Variants in SGCZ observed in about 807,000 individuals in gnomAD.
SGCZ encodes the protein zeta-sarcoglycan.
SGCZ carries 40 observed loss-of-function variants against 41.3 expected under a neutral mutation model. The observed-to-expected ratio is 0.97, with a 90% CI of 0.75 to 1.26. The LOEUF is 1.26. Among genes scored for constraint, SGCZ ranks in the 50% most tolerant of loss-of-function variants. The pLI, the probability that SGCZ is intolerant of heterozygous loss-of-function variation, is 0.00. For missense variants in SGCZ, 552 were observed against 369.8 expected (o/e 1.49, Z -4.04); for synonymous variants, 206 against 137.5 (o/e 1.50, Z -3.49).
intron 1 of SGCZ, among the ~76,000 whole-genome samples, chr8:14,916,728 G>C (rs1338920812): frequency 1.3e-5 from 2 of 151,940 alleles, no homozygotes; most frequent in African/African-American, 2.4e-5. Flanking sequence ...TCCTCTTTTT[G>C]TACAGAAAAC....
intron 1 of SGCZ, among the ~76,000 whole-genome samples, chr8:15,085,463 C>T (rs1164175039): frequency 6.6e-6 from 1 of 151,968 alleles, no homozygotes; most frequent in Non-Finnish European, 1.5e-5. Context: ...TTCCAGGTTC[C>T]AAAAATAAGG....
At chr8:14,569,131 C>T (rs1804472761) in intron 1 of SGCZ, among the ~76,000 whole-genome samples, 1 of 152,128 alleles carries the variant, frequency 6.6e-6, no homozygotes, top group Admixed American at 6.5e-5. Flanking sequence ...ATCAATACTA[C>T]TGTAAATTAG....
intron 1 of SGCZ, among the ~76,000 whole-genome samples, chr8:15,181,668 C>A (rs1032307700): frequency 1.3e-5 from 2 of 152,168 alleles, no homozygotes; most frequent in African/African-American, 4.8e-5. Flanking sequence ...AAAAAAGTCA[C>A]CTAAAAAGCA....
chr8:14,308,542 C>T lies in SGCZ; in HGVS notation c.336+15561G>A, dbSNP rs933899180. On this transcript the variant is annotated intron_variant, in intron 3 of 7. Coordinates refer to ENST00000382080, the MANE Select transcript of SGCZ (RefSeq NM_139167.4). ...ACTCGTGCCATTAGAGAAGAAAGAC[C>T]CCCTTGCCCCTGGCCTTTATACTGC... 2.0e-5 allele frequency among the ~76,000 whole-genome samples: 3 copies of T among 151,784 alleles called. No individual in the cohort carries two copies. In the East Asian group the frequency reaches 5.8e-4, roughly 30 times the overall value.
chr8:15,080,884 G>T (rs987566484), intron 1 of SGCZ, among the ~76,000 whole-genome samples: 3 of 152,006 alleles, frequency 2.0e-5, no homozygotes, highest in African/African-American at 4.8e-5. Flanking sequence ...GAGCCACCGC[G>T]CCTGGCTCTG....
chr8:14,386,043 T>C (rs940693778), intron 2 of SGCZ, among the ~76,000 whole-genome samples: 3 of 152,200 alleles, frequency 2.0e-5, no homozygotes, highest in Non-Finnish European at 4.4e-5. Flanking sequence ...TTATTGTTTA[T>C]TGTGGGGTTT....
intron 2 of SGCZ, among the ~76,000 whole-genome samples, chr8:14,328,815 G>A (rs1802216020): frequency 6.6e-6 from 1 of 152,162 alleles, no homozygotes; most frequent in South Asian, 2.1e-4. Flanking sequence ...TAGGCCAGGA[G>A]GGCTCCTCCC....
chr8:14,224,611 C>T (rs539987540), intron 4 of SGCZ, among the ~76,000 whole-genome samples: 28 of 152,150 alleles, frequency 1.8e-4, no homozygotes, highest in Middle Eastern at 3.4e-3. Flanking sequence ...ACGTTGGCTA[C>T]GCAGAAAGAC....
chr8:15,078,968 T>C (rs1805644760), intron 1 of SGCZ, among the ~76,000 whole-genome samples: 1 of 152,152 alleles, frequency 6.6e-6, no homozygotes, highest in African/African-American at 2.4e-5. Flanking sequence ...TTATATTAAG[T>C]ATCCTAATAT....
At chr8:14,523,245 T>C (rs1016421196) in intron 2 of SGCZ, among the ~76,000 whole-genome samples, 3 of 152,030 alleles carry the variant, frequency 2.0e-5, no homozygotes, top group African/African-American at 7.2e-5. Flanking sequence ...TTACCAATAT[T>C]ATTACTTACA....
intron 1 of SGCZ, among the ~76,000 whole-genome samples, chr8:14,898,370 G>A (rs981677094): frequency 7.2e-5 from 11 of 152,186 alleles, no homozygotes; most frequent in African/African-American, 1.9e-4. Context: ...AGAAACAGCC[G>A]AGGCTGCCGC....
At chr8:15,058,967 CT>C (rs938046751) in intron 1 of SGCZ, among the ~76,000 whole-genome samples, 33 of 152,028 alleles carry the variant, frequency 2.2e-4, no homozygotes, top group African/African-American at 8.0e-4. Context: ...GTTGAAACTT[CT>C]TTTTACATAT....
At chr8:14,643,146 A>G (rs964337) in intron 1 of SGCZ, among the ~76,000 whole-genome samples, 29,100 of 151,584 alleles carry the variant, frequency 0.19, 3,310 homozygotes, top group East Asian at 0.6. Flanking sequence ...GAATAGCAAA[A>G]TAGATGAAGG....
intron 2 of SGCZ, among the ~76,000 whole-genome samples, chr8:14,400,152 T>C (rs1313623346): frequency 6.6e-6 from 1 of 152,158 alleles, no homozygotes. Flanking sequence ...TTCACTTGGC[T>C]ATTGTTTCCA....
rs114928215 is a variant in SGCZ at position 15,029,328 on chromosome 8, A to T, written c.39+208257T>A. 6.5e-3 allele frequency among the ~76,000 whole-genome samples: 988 copies of T among 152,194 alleles called. 12 individuals carry two copies. Among genetic ancestry groups the T allele is most frequent in the African/African-American group, 0.023 (939 of 41,572 alleles). On this transcript the variant is annotated intron_variant, in intron 1 of 7. Coordinates refer to ENST00000382080, the MANE Select transcript of SGCZ (RefSeq NM_139167.4). Reference sequence around the variant, plus strand: ...AAAAAAACCATATGCCTGTAGGTGCATGTATTTAGAATGATATTGCATTTG... The same window carrying T: ...AAAAAAACCATATGCCTGTAGGTGCTTGTATTTAGAATGATATTGCATTTG...
intron 1 of SGCZ, among the ~76,000 whole-genome samples, chr8:14,946,672 T>C (rs929570221): frequency 9.1e-5 from 13 of 142,178 alleles, no homozygotes; most frequent in Non-Finnish European, 1.7e-4. Flanking sequence ...GTTAGAAATC[T>C]GTATTTTTTT....
intron 2 of SGCZ, among the ~76,000 whole-genome samples, chr8:14,394,237 G>A (rs1319768549): frequency 1.4e-5 from 2 of 143,646 alleles, no homozygotes; most frequent in African/African-American, 5.1e-5. Flanking sequence ...TGCAACCTCT[G>A]CCTCCCAGGT....
intron 2 of SGCZ, among the ~76,000 whole-genome samples, chr8:14,458,573 A>G (rs1016476863): frequency 6.6e-6 from 1 of 152,234 alleles, no homozygotes; most frequent in Non-Finnish European, 1.5e-5. Flanking sequence ...AGTTGTCAGT[A>G]TGGACTCTTG....
At chr8:15,001,109 A>C (rs910249500) in intron 1 of SGCZ, among the ~76,000 whole-genome samples, 1 of 152,224 alleles carries the variant, frequency 6.6e-6, no homozygotes, top group South Asian at 2.1e-4. Context: ...GCCTCTTGGA[A>C]TTCAATGCCA....
Sources: allele counts gnomAD v4.1 joint callset (sites outside exome capture counted in the v4.1 genomes callset), GRCh38; gene constraint gnomAD v4.1.1; transcripts MANE v1.5; gene names NCBI Gene and HGNC (gene_info 2026-07-23, HGNC 2026-07-21).